The following SLC24A4 variants were observed in gnomAD, a reference collection of about 807,000 sequenced individuals.
SLC24A4 encodes the protein sodium/potassium/calcium exchanger 4.
A neutral mutation model predicts 79.0 loss-of-function variants in SLC24A4; 53 were observed. The ratio of observed to expected loss-of-function variants is 0.67; its 90% CI spans 0.54 to 0.84. SLC24A4 has a LOEUF of 0.84. Ranked by LOEUF, SLC24A4 falls within the 40% of genes least tolerant of loss-of-function variation. The pLI is 0.00. For synonymous variants in SLC24A4, 323 were observed against 323.8 expected (o/e 1.00, Z 0.03); for missense variants, 731 against 822.0 (o/e 0.89, Z 1.35).
At chr14:92,420,136 C>A (rs1891196991) in intron 2 of SLC24A4, among the ~76,000 whole-genome samples, 1 of 152,116 alleles carries the variant, frequency 6.6e-6, no homozygotes, top group African/African-American at 2.4e-5. Flanking sequence ...CAGAAGGAAC[C>A]AACCCTGTCG....
rs891507045 is a variant in SLC24A4, at chr14:92,491,694, A to G, written c.1567A>G (p.Ile523Val). Residue 523 changes from isoleucine (I) to valine (V), a missense_variant, in exon 15 of 17, where the codon ATA (isoleucine) becomes GTA (valine). Physicochemically the swap from Ile to Val is conservative, Grantham distance 29. Coordinates refer to ENST00000532405, the MANE Select transcript of SLC24A4 (RefSeq NM_153646.4). ...TGGGGACATGGCAGTCTCCAACACC[A>G]TAGGAAGCAACGTGTTTGACATCCT... ...GLGDMAVSNT[I>V]GSNVFDILVG... 1 of 1,613,888 alleles carries G rather than the reference A, an allele frequency of 6.2e-7. No homozygotes were observed. Among genetic ancestry groups the G allele is most frequent in the African/African-American group, 1.3e-5 (1 of 74,926 alleles).
intron 2 of SLC24A4, among the ~76,000 whole-genome samples, chr14:92,347,801 T>C (rs1428005115): frequency 6.6e-6 from 1 of 151,956 alleles, no homozygotes. Flanking sequence ...GTGGTGGGCA[T>C]CTGTAATCCC....
At chr14:92,405,375 G>C (rs4904891) in intron 2 of SLC24A4, among the ~76,000 whole-genome samples, 44,853 of 151,980 alleles carry the variant, frequency 0.3, 7,040 homozygotes, top group Non-Finnish European at 0.35. Flanking sequence ...TCCTGACTCT[G>C]GGTCATTAGG....
chr14:92,459,303 G>T (rs1893659264), intron 12 of SLC24A4, among the ~76,000 whole-genome samples: 2 of 152,224 alleles, frequency 1.3e-5, no homozygotes, highest in Non-Finnish European at 2.9e-5. Flanking sequence ...CCATAGAGAA[G>T]TGGCTGTGCG....
chr14:92,373,065 C>T (rs928484359), intron 2 of SLC24A4, among the ~76,000 whole-genome samples: 1 of 149,072 alleles, frequency 6.7e-6, no homozygotes, highest in Non-Finnish European at 1.5e-5. Flanking sequence ...TGCAGTGATG[C>T]GATCTTGGCT....
At chr14:92,417,106 G>T (rs1891019228) in intron 2 of SLC24A4, among the ~76,000 whole-genome samples, 1 of 152,128 alleles carries the variant, frequency 6.6e-6, no homozygotes, top group African/African-American at 2.4e-5. Flanking sequence ...GTGCTTGGAT[G>T]GGCTTGTTAG....
intron 2 of SLC24A4, among the ~76,000 whole-genome samples, chr14:92,358,192 T>C (rs1887287685): frequency 1.3e-5 from 2 of 151,316 alleles, no homozygotes; most frequent in Non-Finnish European, 3.0e-5. Flanking sequence ...GTGTAGGGAA[T>C]TGGAAAAGAA....
chr14:92,411,168 C>G, intron 2 of SLC24A4, among the ~76,000 whole-genome samples: 1 of 152,154 alleles, frequency 6.6e-6, no homozygotes, highest in East Asian at 1.9e-4. Flanking sequence ...GTGTTGACTT[C>G]CCATGCAGTG....
At chr14:92,328,039 A>G (rs1299296396) in intron 2 of SLC24A4, among the ~76,000 whole-genome samples, 2 of 148,342 alleles carry the variant, frequency 1.3e-5, no homozygotes, top group Non-Finnish European at 3.0e-5. Context: ...CACGAAGTTC[A>G]GAAGTTTAGT....
intron 2 of SLC24A4, among the ~76,000 whole-genome samples, chr14:92,328,833 G>A (rs916683416): frequency 2.0e-5 from 3 of 152,240 alleles, no homozygotes; most frequent in Non-Finnish European, 2.9e-5. Flanking sequence ...TTCCACCTCC[G>A]GAGGGAGGGG....
rs948008144 is a variant in SLC24A4, at chr14:92,382,623, G to A, written c.242-51289G>A. Among the ~76,000 whole-genome samples the A allele has an allele frequency of 3.3e-5, 5 of 152,272 alleles. No individual in the cohort carries two copies. In the East Asian group the frequency reaches 9.6e-4, roughly 29 times the overall value. On this transcript the variant is annotated intron_variant, in intron 2 of 16. Transcript: ENST00000532405. ...TAGAAGCAGAAGCGAAAGGAAGAAA[G>A]GTCACTTGCCATTGGTGGTCATCAG...
At position 92,447,482 on chromosome 14, in the gene SLC24A4, G is replaced by A. The variant is rs1233113739; in HGVS notation, c.737+58G>A. ...ACGCCTTGCCCCACTGCCTGCTACA[G>A]CCTTTTGTGACAGCAGGGAGAAAAA... On this transcript the variant is annotated intron_variant, in intron 9 of 16. Transcript: ENST00000532405. 8.6e-6 allele frequency: 13 copies of A among 1,505,386 alleles called. No individual in the cohort carries two copies. In the East Asian group the frequency reaches 1.1e-4, roughly 13 times the overall value. 93.3% of individuals were successfully genotyped at this position (1,505,386 alleles called of 1,614,324 possible).
At chr14:92,459,557 CTG>C (rs1375596495) in intron 12 of SLC24A4, among the ~76,000 whole-genome samples, 1 of 152,190 alleles carries the variant, frequency 6.6e-6, no homozygotes, top group Non-Finnish European at 1.5e-5. Flanking sequence ...CACGTTTCCT[CTG>C]TGCGAGTGTC....
intron 2 of SLC24A4, among the ~76,000 whole-genome samples, chr14:92,364,611 C>T (rs1462756597): frequency 1.3e-5 from 2 of 152,210 alleles, no homozygotes; most frequent in African/African-American, 4.8e-5. Context: ...TTCCTTCAAC[C>T]TGAGAGCCCC....
At chr14:92,466,114 C>T (rs571479120) in intron 12 of SLC24A4, among the ~76,000 whole-genome samples, 1 of 152,286 alleles carries the variant, frequency 6.6e-6, no homozygotes, top group East Asian at 1.9e-4. Flanking sequence ...GAATTGAGTC[C>T]TGAGTCTGCC....
intron 2 of SLC24A4, among the ~76,000 whole-genome samples, chr14:92,366,441 G>A (rs1389069383): frequency 6.6e-6 from 1 of 152,234 alleles, no homozygotes; most frequent in Non-Finnish European, 1.5e-5. Flanking sequence ...AGCCAGGCGG[G>A]TTTGCAGGTG....
intron 12 of SLC24A4, among the ~76,000 whole-genome samples, chr14:92,475,922 A>C (rs537157577): frequency 6.6e-6 from 1 of 152,168 alleles, no homozygotes; most frequent in African/African-American, 2.4e-5. Flanking sequence ...CAGTTGAAAA[A>C]CATAGCAATG....
At chr14:92,408,503 A>T in intron 2 of SLC24A4, 6 of 891,576 alleles carry the variant, frequency 6.7e-6, no homozygotes, top group Non-Finnish European at 8.1e-6. Flanking sequence ...GTGAGGAGTG[A>T]GCCAAGGTAG....
intron 16 of SLC24A4, chr14:92,492,699 T>C: frequency 7.9e-6 from 3 of 378,984 alleles, no homozygotes; most frequent in South Asian, 5.8e-5. Flanking sequence ...GGTGCTATCA[T>C]TCCCATTGCA....
Sources: allele counts gnomAD v4.1 joint callset (sites outside exome capture counted in the v4.1 genomes callset), GRCh38; gene constraint gnomAD v4.1.1; transcripts MANE v1.5; gene names NCBI Gene and HGNC (gene_info 2026-07-23, HGNC 2026-07-21).